ADAMTSL1: variants seen among roughly 807,000 people sequenced by gnomAD.
The protein encoded by ADAMTSL1 is ADAMTS-like protein 1.
A neutral mutation model predicts 201.8 loss-of-function variants in ADAMTSL1; 126 were observed. That is an observed-to-expected ratio of 0.62 (90% CI 0.54 to 0.72). ADAMTSL1 has a LOEUF of 0.72. ADAMTSL1 is among the 30% of genes least tolerant of loss of function. ADAMTSL1 has a pLI of 0.00. For missense variants in ADAMTSL1, 2,679 were observed against 2,277.8 expected (o/e 1.18, Z -3.59); for synonymous variants, 1,121 against 903.4 (o/e 1.24, Z -4.32).
intron 23 of ADAMTSL1, among the ~76,000 whole-genome samples, chr9:18,882,549 T>A (rs1828595420): frequency 6.6e-6 from 1 of 152,026 alleles, no homozygotes. Context: ...TCCCAGGAGA[T>A]CCCCAGTGGA....
chr9:18,368,263 T>G (rs919089585), intron 2 of ADAMTSL1, among the ~76,000 whole-genome samples: 1 of 152,144 alleles, frequency 6.6e-6, no homozygotes, highest in East Asian at 1.9e-4. Flanking sequence ...CTCATCAATA[T>G]GAAACATCAG....
At chr9:18,233,252 G>T (rs528683183) in intron 2 of ADAMTSL1, among the ~76,000 whole-genome samples, 1 of 152,236 alleles carries the variant, frequency 6.6e-6, no homozygotes, top group Non-Finnish European at 1.5e-5. Flanking sequence ...TTAAAATTTT[G>T]TTCCTGGCAT....
intron 4 of ADAMTSL1, among the ~76,000 whole-genome samples, chr9:18,595,729 G>C (rs968375972): frequency 6.6e-6 from 1 of 152,274 alleles, no homozygotes; most frequent in Non-Finnish European, 1.5e-5. Context: ...TACCAAGGCA[G>C]TAGTGTACAC....
intron 15 of ADAMTSL1, among the ~76,000 whole-genome samples, chr9:18,746,998 G>C (rs1337556326): frequency 6.6e-6 from 1 of 152,140 alleles, no homozygotes; most frequent in Non-Finnish European, 1.5e-5. Flanking sequence ...TCATGGCCCT[G>C]GGTGGTATCA....
chr9:18,870,753 T>C (rs1187408010), intron 23 of ADAMTSL1, among the ~76,000 whole-genome samples: 1 of 152,152 alleles, frequency 6.6e-6, no homozygotes, highest in Non-Finnish European at 1.5e-5. Context: ...TGCCACTGTT[T>C]TTGGTAATTC....
chr9:18,103,147 A>T (rs987356029), intron 1 of ADAMTSL1, among the ~76,000 whole-genome samples: 5 of 152,196 alleles, frequency 3.3e-5, no homozygotes, highest in Non-Finnish European at 7.3e-5. Flanking sequence ...TTTACAGGAT[A>T]AAGAGATCTT....
chr9:18,814,889 G>A (rs1233220193), intron 20 of ADAMTSL1, among the ~76,000 whole-genome samples: 1 of 152,078 alleles, frequency 6.6e-6, no homozygotes, highest in Admixed American at 6.5e-5. Flanking sequence ...TAATTAATAA[G>A]GGCAAAAGAC....
At chr9:18,067,134 T>C (rs1041594698) in intron 1 of ADAMTSL1, among the ~76,000 whole-genome samples, 1 of 152,040 alleles carries the variant, frequency 6.6e-6, no homozygotes, top group African/African-American at 2.4e-5. Flanking sequence ...ACTTAAAGTA[T>C]AATAAAAAAA....
intron 1 of ADAMTSL1, among the ~76,000 whole-genome samples, chr9:18,496,157 A>C (rs1822523718): frequency 6.6e-6 from 1 of 152,222 alleles, no homozygotes; most frequent in Non-Finnish European, 1.5e-5. Context: ...GTCTTGTTTT[A>C]ATTTATTCTA....
Position 18,889,560 on chromosome 9 carries a change from C to T in ADAMTSL1, c.4463-8C>T. The T allele has an allele frequency of 6.2e-7, 1 of 1,613,334 alleles. No individual in the cohort carries two copies. Among genetic ancestry groups the T allele is most frequent in the South Asian group, 1.1e-5 (1 of 90,990 alleles). On this transcript the variant is annotated splice_region_variant and splice_polypyrimidine_tract_variant and intron_variant, in intron 24 of 28. Coordinates refer to ENST00000380548, the MANE Select transcript of ADAMTSL1 (RefSeq NM_001040272.6). ...TTCTTTTCTACACTGCTCCTCCTCC[C>T]ATGACAGATTACTGGTGGTCTGTGG... is the stretch of plus-strand genomic sequence containing the variant.
At chr9:18,662,257 C>A (rs1039159495) in intron 9 of ADAMTSL1, among the ~76,000 whole-genome samples, 184 bp downstream of exon 9, 2 of 152,166 alleles carry the variant, frequency 1.3e-5, no homozygotes, top group East Asian at 3.9e-4. Flanking sequence ...GGCTGCTATG[C>A]GAGGCCATCT....
At chr9:18,126,683 T>C (rs1387345667) in intron 1 of ADAMTSL1, among the ~76,000 whole-genome samples, 1 of 152,162 alleles carries the variant, frequency 6.6e-6, no homozygotes, top group Non-Finnish European at 1.5e-5. Flanking sequence ...GCAGTGGTCG[T>C]TTGGCACAGT....
At chr9:17,991,093 G>A (rs1232773518) in intron 1 of ADAMTSL1, among the ~76,000 whole-genome samples, 1 of 152,234 alleles carries the variant, frequency 6.6e-6, no homozygotes, top group African/African-American at 2.4e-5. Flanking sequence ...AGGATGTATG[G>A]AATTCCTATG....
chr9:18,426,321 T>C (rs949619235), intron 2 of ADAMTSL1, among the ~76,000 whole-genome samples: 2 of 152,184 alleles, frequency 1.3e-5, no homozygotes, highest in African/African-American at 4.8e-5. Flanking sequence ...CTCTTCACTT[T>C]GCATTCAAGT....
At chr9:18,182,129 G>T (rs551858280) in intron 2 of ADAMTSL1, among the ~76,000 whole-genome samples, 1 of 147,798 alleles carries the variant, frequency 6.8e-6, no homozygotes, top group Non-Finnish European at 1.5e-5. Context: ...CACACTCTGG[G>T]GCCTGTTGTG....
intron 16 of ADAMTSL1, among the ~76,000 whole-genome samples, chr9:18,757,883 A>C (rs1041678945): frequency 1.3e-5 from 2 of 152,200 alleles, no homozygotes; most frequent in Non-Finnish European, 2.9e-5. Flanking sequence ...GGTGTCATTT[A>C]TTGAATACTT....
At position 18,905,552 on chromosome 9, in the gene ADAMTSL1, A is replaced by G. The variant is rs1830257060; in HGVS notation, c.4852-230A>G. On this transcript the variant is annotated intron_variant, in intron 26 of 28. Coordinates refer to ENST00000380548, the MANE Select transcript of ADAMTSL1 (RefSeq NM_001040272.6). Reference sequence around the variant, plus strand: ...GTTCTCTTACTGGTTCTACACTACCATTAGCCATTTGCTGGCAGAATGCCC... The same window carrying G: ...GTTCTCTTACTGGTTCTACACTACCGTTAGCCATTTGCTGGCAGAATGCCC... 93 of 539,304 alleles carry G rather than the reference A, an allele frequency of 1.7e-4. 1 individual carries two copies. In the South Asian group the frequency reaches 2.0e-3, roughly 12 times the overall value. The allele number at this position is 539,304 out of a possible 1,614,324, so 33.4% of individuals were successfully genotyped here. A position where few individuals can be genotyped will look rare whatever the true frequency, so the allele number is the denominator to read the frequency against.
Position 18,395,725 on chromosome 9 carries a change from C to T in ADAMTSL1, c.208-109104C>T, listed in dbSNP as rs116053080. On this transcript the variant is annotated intron_variant, in intron 2 of 29. Coordinates refer to the ADAMTSL1 transcript ENST00000680146. Reference sequence around the variant, plus strand: ...TCTGAGCCTGTGTATTTGAAACTGACTGGTGATGAAAAGTGTAGTTTAACT... The same window carrying T: ...TCTGAGCCTGTGTATTTGAAACTGATTGGTGATGAAAAGTGTAGTTTAACT... Among the ~76,000 whole-genome samples the T allele has an allele frequency of 3.0e-3, 456 of 152,248 alleles. 3 individuals are homozygous for T. The highest frequency in any genetic ancestry group is 0.01 in the African/African-American group (434 of 41,556).
chr9:18,316,696 A>G (rs182463247), intron 2 of ADAMTSL1, among the ~76,000 whole-genome samples: 131 of 152,234 alleles, frequency 8.6e-4, no homozygotes, highest in African/African-American at 2.9e-3. Context: ...AGTTAATGCA[A>G]TTATTCCAGG....
Sources: gnomAD v4.1 joint callset for allele counts (sites outside exome capture counted in the v4.1 genomes callset) on GRCh38, gnomAD v4.1.1 for gene constraint, MANE v1.5 for transcripts, NCBI Gene and HGNC (gene_info 2026-07-23, HGNC 2026-07-21) for gene names.